Variants in RIC8B observed in about 807,000 individuals in gnomAD.
RIC8B encodes the protein RIC8 guanine nucleotide exchange factor B.
RIC8B carries 16 observed loss-of-function variants against 57.5 expected under a neutral mutation model. The ratio of observed to expected loss-of-function variants is 0.28; its 90% CI spans 0.19 to 0.42. The LOEUF is 0.42. RIC8B is among the 10% of genes least tolerant of loss of function. The probability of loss-of-function intolerance (pLI) is 1.00; values close to 1 mark genes in which losing one functional copy is unlikely to be tolerated. For synonymous variants in RIC8B, 216 were observed against 250.8 expected, an observed-to-expected ratio of 0.86 and a Z score of 1.31; for missense variants, 481 against 677.0, an observed-to-expected ratio of 0.71 and a Z score of 3.21.
intron 2 of RIC8B, among the ~76,000 whole-genome samples, chr12:106,809,505 A>G (rs1182460375): frequency 4.1e-5 from 6 of 147,590 alleles, no homozygotes; most frequent in African/African-American, 1.3e-4. Flanking sequence ...CCTGGGAGAC[A>G]GAGAAGACTC....
At chr12:106,877,655 G>A (rs1157746575) in intron 9 of RIC8B, among the ~76,000 whole-genome samples, 1 of 152,098 alleles carries the variant, frequency 6.6e-6, no homozygotes, top group Non-Finnish European at 1.5e-5. Context: ...TGGCTCTTCT[G>A]ACAAATTTTC....
intron 8 of RIC8B, among the ~76,000 whole-genome samples, chr12:106,870,328 T>C (rs1272712904): frequency 6.6e-6 from 1 of 152,220 alleles, no homozygotes; most frequent in Non-Finnish European, 1.5e-5. Context: ...CCCTCTGTGG[T>C]CTCACTAATG....
intron 7 of RIC8B, among the ~76,000 whole-genome samples, chr12:106,856,524 T>C (rs1949721595): frequency 6.6e-6 from 1 of 152,246 alleles, no homozygotes; most frequent in African/African-American, 2.4e-5. Context: ...TCCTCATCTT[T>C]GTTACCATGG....
intron 2 of RIC8B, among the ~76,000 whole-genome samples, chr12:106,809,382 G>T (rs946354077): frequency 6.6e-6 from 1 of 152,046 alleles, no homozygotes; most frequent in African/African-American, 2.4e-5. Flanking sequence ...AAATTAGCAG[G>T]CGTGGTGGTG....
chr12:106,795,469 G>C (rs2044437164), intron 2 of RIC8B, among the ~76,000 whole-genome samples: 1 of 152,178 alleles, frequency 6.6e-6, no homozygotes. Context: ...TTTATAGTCA[G>C]ATTTGAGGAG....
At chr12:106,792,940 T>C (rs1456647921) in intron 2 of RIC8B, among the ~76,000 whole-genome samples, 3 of 152,226 alleles carry the variant, frequency 2.0e-5, no homozygotes, top group Admixed American at 1.3e-4. Context: ...CCTTTCCCTC[T>C]AGTCCCAGTT....
intron 1 of RIC8B, among the ~76,000 whole-genome samples, chr12:106,779,431 C>T (rs2043645529): frequency 6.6e-6 from 1 of 151,898 alleles, no homozygotes; most frequent in African/African-American, 2.4e-5. Context: ...AGGATTTCAC[C>T]ATGTTGGCCG....
chr12:106,856,756 T>C (rs1343355960), intron 7 of RIC8B, among the ~76,000 whole-genome samples: 1 of 152,210 alleles, frequency 6.6e-6, no homozygotes, highest in Admixed American at 6.5e-5. Flanking sequence ...TCCCCAGTGC[T>C]TAACAGATAG....
intron 6 of RIC8B, among the ~76,000 whole-genome samples, chr12:106,848,960 G>T (rs1267529554): frequency 6.6e-6 from 1 of 152,154 alleles, no homozygotes; most frequent in East Asian, 1.9e-4. Context: ...GTTACCAGAG[G>T]CTGGGAAGGA....
intron 2 of RIC8B, among the ~76,000 whole-genome samples, chr12:106,798,578 C>G (rs1007498359): frequency 2.0e-5 from 3 of 151,960 alleles, no homozygotes; most frequent in African/African-American, 7.3e-5. Context: ...TGACTGAATA[C>G]TTTCGGTAAT....
intron 9 of RIC8B, among the ~76,000 whole-genome samples, chr12:106,882,474 C>T (rs2136675234): frequency 6.6e-6 from 1 of 151,866 alleles, no homozygotes; most frequent in African/African-American, 2.4e-5. Context: ...CTTTGGTCTA[C>T]CTTATTATTA....
At chr12:106,804,555 A>G (rs550009671) in intron 2 of RIC8B, among the ~76,000 whole-genome samples, 1 of 152,320 alleles carries the variant, frequency 6.6e-6, no homozygotes, top group South Asian at 2.1e-4. Flanking sequence ...AAGTAAATAA[A>G]TTGGTCAGGT....
At chr12:106,817,550 T>C (rs2045627475) in intron 3 of RIC8B, among the ~76,000 whole-genome samples, 1 of 152,038 alleles carries the variant, frequency 6.6e-6, no homozygotes, top group African/African-American at 2.4e-5. Context: ...CCAGGCGTGG[T>C]GGCTCACGCC....
chr12:106,794,045 G>C (rs1039498344), intron 2 of RIC8B, among the ~76,000 whole-genome samples: 5 of 152,120 alleles, frequency 3.3e-5, no homozygotes, highest in Non-Finnish European at 7.4e-5. Context: ...AGGAAACCAT[G>C]ATTAAAGAAG....
chr12:106,873,008 AG>A, intron 9 of RIC8B: 1 of 985,068 alleles, frequency 1.0e-6, no homozygotes, highest in Non-Finnish European at 1.2e-6. Flanking sequence ...CAAAGGTGCT[AG>A]GTCCTTCTCC....
chr12:106,804,344 G>C (rs1156882036), intron 2 of RIC8B, among the ~76,000 whole-genome samples: 1 of 151,796 alleles, frequency 6.6e-6, no homozygotes, highest in African/African-American at 2.4e-5. Flanking sequence ...CCTCATGAGT[G>C]GCTAGGATTA....
chr12:106,793,650 A>G (rs2044353469), intron 2 of RIC8B, among the ~76,000 whole-genome samples: 1 of 152,160 alleles, frequency 6.6e-6, no homozygotes, highest in South Asian at 2.1e-4. Flanking sequence ...AATTAGTGTC[A>G]CATAAGAGCT....
chr12:106,774,766 C>T lies in RIC8B; in HGVS notation c.21C>T (p.Leu7=), dbSNP rs2043357695. 1 of 1,551,830 alleles carries T rather than the reference C, an allele frequency of 6.4e-7. No homozygotes were observed. Among genetic ancestry groups the T allele is most frequent in the Non-Finnish European group, 8.7e-7 (1 of 1,147,020 alleles). Residue 7 remains leucine (L), a synonymous_variant, in exon 1 of 10, where the codon CTC becomes CTT. Transcript: ENST00000392837. ...CGGCCATGGATGAGGAGCGCGCCCT[C>T]TACATCGTCCGGGCCGGCGAAGCAG... MDEERA[L]YIVRAGEAGA... is the part of the protein sequence containing the mutation.
intron 2 of RIC8B, among the ~76,000 whole-genome samples, chr12:106,811,623 A>C (rs1311720432): frequency 6.6e-6 from 1 of 152,166 alleles, no homozygotes; most frequent in Non-Finnish European, 1.5e-5. Flanking sequence ...ACAGTGGAGG[A>C]AAGACTCAGG....
Sources: allele counts gnomAD v4.1 joint callset (sites outside exome capture counted in the v4.1 genomes callset), GRCh38; gene constraint gnomAD v4.1.1; transcripts MANE v1.5; gene names NCBI Gene and HGNC (gene_info 2026-07-23, HGNC 2026-07-21).